RALGPS2: variants seen among roughly 807,000 people sequenced by gnomAD.
RALGPS2 encodes the protein Ral GEF with PH domain and SH3 binding motif 2.
A neutral mutation model predicts 86.8 loss-of-function variants in RALGPS2; 43 were observed. The ratio of observed to expected loss-of-function variants is 0.50; its 90% CI spans 0.39 to 0.64. The LOEUF is 0.64. RALGPS2 is among the 30% of genes least tolerant of loss of function. RALGPS2 has a pLI of 0.00. For missense variants in RALGPS2, 536 were observed against 694.6 expected (o/e 0.77, Z 2.57); for synonymous variants, 243 against 231.3 (o/e 1.05, Z -0.46).
At chr1:178,874,689 A>C (rs897452627) in intron 8 of RALGPS2, among the ~76,000 whole-genome samples, 1 of 152,176 alleles carries the variant, frequency 6.6e-6, no homozygotes, top group Non-Finnish European at 1.5e-5. Context: ...CATTTCCTTG[A>C]GGAATCTTTT....
chr1:178,828,430 G>A (rs1384072871), intron 7 of RALGPS2, among the ~76,000 whole-genome samples: 1 of 152,144 alleles, frequency 6.6e-6, no homozygotes, highest in African/African-American at 2.4e-5. Context: ...TAACACGGTG[G>A]TATTTGTATA....
chr1:178,828,985 CATT>C (rs1221028587), intron 7 of RALGPS2, among the ~76,000 whole-genome samples: 5 of 152,170 alleles, frequency 3.3e-5, no homozygotes, highest in African/African-American at 1.2e-4. Context: ...TTCGTTGCAG[CATT>C]ATTCACAATA....
intron 8 of RALGPS2, among the ~76,000 whole-genome samples, chr1:178,834,071 G>A (rs930402235): frequency 2.0e-5 from 3 of 152,026 alleles, no homozygotes; most frequent in Admixed American, 2.0e-4. Flanking sequence ...TATATATCTT[G>A]TAGTGCTTAT....
chr1:178,859,019 A>G (rs1206715243), intron 8 of RALGPS2, among the ~76,000 whole-genome samples: 3 of 152,164 alleles, frequency 2.0e-5, no homozygotes, highest in Admixed American at 6.5e-5. Context: ...AATATATTCA[A>G]CATTTCTGGA....
chr1:178,734,836 T>G (rs1021956795), intron 1 of RALGPS2, among the ~76,000 whole-genome samples: 1 of 152,224 alleles, frequency 6.6e-6, no homozygotes, highest in East Asian at 1.9e-4. Context: ...AAGGATAGCA[T>G]GTATAGCAAG....
chr1:178,822,604 A>G (rs1281856251), intron 7 of RALGPS2, among the ~76,000 whole-genome samples: 1 of 150,080 alleles, frequency 6.7e-6, no homozygotes, highest in Non-Finnish European at 1.5e-5. Flanking sequence ...GTAGATTTCT[A>G]TATTGGAAAA....
intron 8 of RALGPS2, among the ~76,000 whole-genome samples, chr1:178,862,476 A>G (rs2102327465): frequency 6.6e-6 from 1 of 152,316 alleles, no homozygotes; most frequent in South Asian, 2.1e-4. Flanking sequence ...TGATAATTTA[A>G]GAGGGACTAT....
intron 1 of RALGPS2, among the ~76,000 whole-genome samples, chr1:178,768,420 A>G (rs1386925232): frequency 6.6e-6 from 1 of 152,042 alleles, no homozygotes; most frequent in Non-Finnish European, 1.5e-5. Context: ...GTGACTATAG[A>G]GAATGCTGGG....
At chr1:178,916,206 T>C in intron 19 of RALGPS2, 124 bp from the exon 20 acceptor site, 1 of 730,520 alleles carries the variant, frequency 1.4e-6, no homozygotes, top group Non-Finnish European at 2.3e-6. Flanking sequence ...GCTCCTTATA[T>C]CAAGTTCCTT....
intron 1 of RALGPS2, among the ~76,000 whole-genome samples, chr1:178,732,984 G>A (rs1650482664): frequency 6.6e-6 from 1 of 151,946 alleles, no homozygotes; most frequent in East Asian, 1.9e-4. Flanking sequence ...GGTTTACATG[G>A]GTATATTTTG....
At chr1:178,780,325 T>C (rs1335365806) in intron 2 of RALGPS2, among the ~76,000 whole-genome samples, 1 of 152,196 alleles carries the variant, frequency 6.6e-6, no homozygotes, top group Non-Finnish European at 1.5e-5. Flanking sequence ...TTTCTATTAC[T>C]GTACTACCAT....
At chr1:178,909,323 T>C (rs1282612189) in intron 19 of RALGPS2, among the ~76,000 whole-genome samples, 1 of 152,198 alleles carries the variant, frequency 6.6e-6, no homozygotes, top group Non-Finnish European at 1.5e-5. Flanking sequence ...ACTGTAGTCT[T>C]GTAGTATAGT....
chr1:178,796,176 A>C (rs1367944977), intron 4 of RALGPS2, among the ~76,000 whole-genome samples: 1 of 152,150 alleles, frequency 6.6e-6, no homozygotes, highest in African/African-American at 2.4e-5. Context: ...AGATAGGAAA[A>C]GAAAGCTCCT....
chr1:178,798,416 C>T (rs1300184834), intron 4 of RALGPS2, among the ~76,000 whole-genome samples: 1 of 152,152 alleles, frequency 6.6e-6, no homozygotes, highest in Non-Finnish European at 1.5e-5. Context: ...AATGTGATCT[C>T]TCACTGTGTT....
Position 178,821,585 on chromosome 1 carries a change from C to T in RALGPS2, c.388-27C>T, listed in dbSNP as rs1270328575. On this transcript the variant is annotated intron_variant, in intron 6 of 19. Transcript: ENST00000367635. ...ATTCATGTTGTTCTTTTTCATCCCT[C>T]TCCCCCATTTTTTTTCAAATCTTCA... is the stretch of plus-strand genomic sequence containing the variant. 3 of 1,561,054 alleles carry T rather than the reference C, an allele frequency of 1.9e-6. No individual in the cohort carries two copies. In the Admixed American group the frequency reaches 5.3e-5, roughly 27 times the overall value.
intron 8 of RALGPS2, among the ~76,000 whole-genome samples, chr1:178,854,934 T>G (rs1406626896): frequency 6.6e-6 from 1 of 152,138 alleles, no homozygotes; most frequent in Non-Finnish European, 1.5e-5. Context: ...CTCCAGTGTT[T>G]CGAGCCTTTT....
At chr1:178,833,358 G>C in intron 7 of RALGPS2, 66 bp from the exon 8 acceptor site, 7 of 1,373,080 alleles carry the variant, frequency 5.1e-6, no homozygotes, top group Non-Finnish European at 6.6e-6. Flanking sequence ...TACAACTTCA[G>C]TTCAGGTCTT....
intron 10 of RALGPS2, chr1:178,879,465 A>G (rs1659139447): frequency 6.5e-6 from 1 of 153,062 alleles, no homozygotes; most frequent in Admixed American, 6.5e-5. Context: ...TAGCAGAATT[A>G]TCCTCTTCCC....
At chr1:178,817,974 A>G (rs1236173807) in intron 6 of RALGPS2, among the ~76,000 whole-genome samples, 1 of 152,318 alleles carries the variant, frequency 6.6e-6, no homozygotes, top group South Asian at 2.1e-4. Context: ...ACCTTTAAAC[A>G]TTATATTTAA....
Sources: gnomAD v4.1 joint callset for allele counts (sites outside exome capture counted in the v4.1 genomes callset) on GRCh38, gnomAD v4.1.1 for gene constraint, MANE v1.5 for transcripts, NCBI Gene and HGNC (gene_info 2026-07-23, HGNC 2026-07-21) for gene names.